The following SEM1 variants were observed in gnomAD, a reference collection of about 807,000 sequenced individuals.
The protein encoded by SEM1 is SEM1 26S proteasome subunit.
A neutral mutation model predicts 12.7 loss-of-function variants in SEM1; 3 were observed. The ratio of observed to expected loss-of-function variants is 0.24; its 90% confidence interval spans 0.11 to 0.61. The LOEUF is 0.61. Among genes scored for constraint, SEM1 ranks in the 20% least tolerant of loss-of-function variants. The probability of loss-of-function intolerance (pLI) is 0.88; values close to 1 mark genes in which losing one functional copy is unlikely to be tolerated. For synonymous variants in SEM1, 30 were observed against 27.8 expected (o/e 1.08, Z -0.25); for missense variants, 59 against 81.3 (o/e 0.73, Z 1.06).
At chr7:96,582,588 A>T (rs1394145869) in intron 2 of SEM1, among the ~76,000 whole-genome samples, 1 of 152,188 alleles carries the variant, frequency 6.6e-6, no homozygotes, top group African/African-American at 2.4e-5. Context: ...TTCGGCTGTG[A>T]ATCTGTCTGG....
At chr7:96,556,053 C>T (rs1276666785) in intron 2 of SEM1, among the ~76,000 whole-genome samples, 3 of 151,592 alleles carry the variant, frequency 2.0e-5, no homozygotes, top group African/African-American at 7.3e-5. Flanking sequence ...GTAGATCTTC[C>T]TCCATCCTTT....
chr7:96,689,088 A>C, intron 2 of SEM1, 122 bp from the exon 3 acceptor site: 1 of 555,690 alleles, frequency 1.8e-6, no homozygotes, highest in Non-Finnish European at 3.1e-6. Context: ...AATACCACTG[A>C]ATAGTTTTAC....
intron 2 of SEM1, among the ~76,000 whole-genome samples, chr7:96,589,253 A>G (rs1488034081): frequency 6.6e-6 from 1 of 152,100 alleles, no homozygotes. Flanking sequence ...GCCTGGACAG[A>G]GTGGCGCCTG....
At chr7:96,484,768 C>T (rs1390487767) in intron 3 of SEM1, 6 of 1,116,400 alleles carry the variant, frequency 5.4e-6, no homozygotes, top group South Asian at 2.7e-5. Context: ...CTTAAAAATC[C>T]TCTCACCATA....
intron 2 of SEM1, among the ~76,000 whole-genome samples, chr7:96,615,382 A>C (rs1807683379): frequency 6.6e-6 from 1 of 151,748 alleles, no homozygotes; most frequent in Admixed American, 6.6e-5. Context: ...CCTCCTGAGT[A>C]ATCCTGGGAT....
chr7:96,632,711 T>A (rs922208221), intron 2 of SEM1, among the ~76,000 whole-genome samples: 3 of 150,926 alleles, frequency 2.0e-5, no homozygotes, highest in Admixed American at 6.6e-5. Flanking sequence ...ATAATAATTT[T>A]AAAAAAACAG....
intron 2 of SEM1, among the ~76,000 whole-genome samples, chr7:96,651,542 C>A (rs1357969734): frequency 2.0e-5 from 3 of 152,132 alleles, no homozygotes; most frequent in Non-Finnish European, 4.4e-5. Flanking sequence ...ACCCACAGGG[C>A]TGATAAAGAG....
chr7:96,595,146 T>A (rs1157926263), intron 2 of SEM1, among the ~76,000 whole-genome samples: 1 of 152,212 alleles, frequency 6.6e-6, no homozygotes, highest in Non-Finnish European at 1.5e-5. Flanking sequence ...AAAGGAACTT[T>A]TCTCAAACTA....
chr7:96,643,737 T>G (rs1004989275), intron 2 of SEM1, among the ~76,000 whole-genome samples: 1 of 151,954 alleles, frequency 6.6e-6, no homozygotes, highest in African/African-American at 2.4e-5. Context: ...TTCTCACTCA[T>G]AAATGGGAGT....
chr7:96,591,704 G>T (rs1806834151), intron 2 of SEM1, among the ~76,000 whole-genome samples: 1 of 151,958 alleles, frequency 6.6e-6, no homozygotes, highest in Non-Finnish European at 1.5e-5. Context: ...TGGGGTCTTT[G>T]TTGGGGCCTT....
rs537884654 is a variant in SEM1 at position 96,659,880 on chromosome 7, T to G, written c.170+34918A>C. 9.0e-4 allele frequency among the ~76,000 whole-genome samples: 95 copies of G among 105,566 alleles called. 1 individual carries two copies. The highest frequency in any genetic ancestry group is 3.4e-3 in the African/African-American group (92 of 26,968). 69.3% of individuals were successfully genotyped at this position (105,566 alleles called of 152,430 possible). Reference sequence around the variant, plus strand: ...TGATACATAGAAGAATCAGAGGAAATGTGAATCAAATAGAAGAAAGAAAGT... The same window carrying G: ...TGATACATAGAAGAATCAGAGGAAAGGTGAATCAAATAGAAGAAAGAAAGT... On this transcript the variant is annotated intron_variant, in intron 2 of 2. Coordinates refer to the SEM1 transcript ENST00000417009.
At chr7:96,537,388 C>A (rs1196952522) in intron 2 of SEM1, among the ~76,000 whole-genome samples, 3 of 151,644 alleles carry the variant, frequency 2.0e-5, no homozygotes, top group African/African-American at 7.3e-5. Flanking sequence ...ATAGAGTCAA[C>A]TTTCTAACTT....
intron 2 of SEM1, 73 bp from the exon 3 acceptor site, chr7:96,689,039 T>C (rs1381312086): frequency 3.3e-6 from 3 of 907,954 alleles, no homozygotes; most frequent in Non-Finnish European, 5.3e-6. Flanking sequence ...ATACAATAAA[T>C]AAACAAATAA....
intron 2 of SEM1, among the ~76,000 whole-genome samples, chr7:96,629,071 T>G (rs544691286): frequency 1.6e-4 from 25 of 152,204 alleles, no homozygotes; most frequent in Non-Finnish European, 1.5e-4. Context: ...TTAGGGTCCT[T>G]TCTTTATCCT....
intron 2 of SEM1, among the ~76,000 whole-genome samples, chr7:96,565,929 TAGAA>T (rs1052223054): frequency 2.0e-5 from 3 of 151,836 alleles, no homozygotes; most frequent in African/African-American, 7.2e-5. Flanking sequence ...GATAAAAGCT[TAGAA>T]AGAATAATGC....
chr7:96,575,124 T>C (rs565243105), intron 2 of SEM1, among the ~76,000 whole-genome samples: 1 of 152,314 alleles, frequency 6.6e-6, no homozygotes, highest in African/African-American at 2.4e-5. Flanking sequence ...GTCTTTGATG[T>C]TGGTGACCTT....
chr7:96,707,897 T>C (rs749406600), intron 1 of SEM1, among the ~76,000 whole-genome samples: 11 of 152,212 alleles, frequency 7.2e-5, no homozygotes, highest in Non-Finnish European at 1.3e-4. Context: ...CCACCTACTA[T>C]GTATCAGGCA....
intron 2 of SEM1, among the ~76,000 whole-genome samples, chr7:96,509,932 T>A (rs575619120): frequency 6.6e-6 from 1 of 152,082 alleles, no homozygotes; most frequent in Non-Finnish European, 1.5e-5. Context: ...AATAAGTACA[T>A]ACTTTCAGCT....
chr7:96,709,421 A>G (rs1790577469), intron 1 of SEM1, among the ~76,000 whole-genome samples: 1 of 152,216 alleles, frequency 6.6e-6, no homozygotes, highest in African/African-American at 2.4e-5. Flanking sequence ...CAACCATCAC[A>G]GACGCGGGGC....
Sources: allele counts gnomAD v4.1 joint callset (sites outside exome capture counted in the v4.1 genomes callset), GRCh38; gene constraint gnomAD v4.1.1; transcripts MANE v1.5; gene names NCBI Gene and HGNC (gene_info 2026-07-23, HGNC 2026-07-21).